RGMB: variants seen among roughly 807,000 people sequenced by gnomAD.
RGMB encodes repulsive guidance molecule BMP co-receptor b.
Under a neutral mutation model 26.9 loss-of-function variants are expected in RGMB, and 16 were observed. The observed-to-expected ratio is 0.60, with a 90% CI of 0.40 to 0.90. The LOEUF is 0.90. Ranked by LOEUF, RGMB falls within the 40% of genes least tolerant of loss-of-function variation. The pLI is 0.00. For synonymous variants in RGMB, 225 were observed against 229.3 expected (o/e 0.98, Z 0.17); for missense variants, 512 against 573.3 (o/e 0.89, Z 1.09).
chr5:98,794,380 T>C lies in RGMB; in HGVS notation c.*627T>C, dbSNP rs1307300177. The C allele has an allele frequency of 6.6e-6, 1 of 152,228 alleles. No homozygotes were observed. Among genetic ancestry groups the C allele is most frequent in the Non-Finnish European group, 1.5e-5 (1 of 68,058 alleles). The allele number at this position is 152,228 out of a possible 1,614,324, so 9.4% of individuals were successfully genotyped here. A position where few individuals can be genotyped will look rare whatever the true frequency, so the allele number is the denominator to read the frequency against. ...TTTTCAGAAGGGGGGGTATTATTGG[T>C]ATTCTGATTACTCTCAATTCTAATT... On this transcript the variant is annotated 3_prime_UTR_variant, in exon 3 of 3. Coordinates refer to ENST00000513185, the MANE Select transcript of RGMB (RefSeq NM_001366508.1).
chr5:98,775,413 A>T (rs1746369633), intron 1 of RGMB, among the ~76,000 whole-genome samples: 1 of 152,252 alleles, frequency 6.6e-6, no homozygotes, highest in African/African-American at 2.4e-5. Flanking sequence ...TAGGATGATT[A>T]CGGCTTTCAA....
intron 1 of RGMB, among the ~76,000 whole-genome samples, chr5:98,776,045 C>T (rs371942172): frequency 3.7e-4 from 56 of 152,332 alleles, no homozygotes; most frequent in African/African-American, 1.3e-3. Flanking sequence ...TATGGCTCCA[C>T]ATTTCACTTA....
At position 98,773,819 on chromosome 5, in the gene RGMB, C is replaced by G; in HGVS notation, c.-252C>G. On this transcript the variant is annotated 5_prime_UTR_variant, in exon 1 of 3. Transcript: ENST00000513185. ...ACGGTCTTTGTGTCTTCTCTTCCGC[C>G]CCTTTCCCTGCCTGCCGCCTCCGGC... is the stretch of plus-strand genomic sequence containing the variant. 1 of 464,230 alleles carries G rather than the reference C, an allele frequency of 2.2e-6. No individual in the cohort carries two copies. The highest frequency in any genetic ancestry group is 3.7e-6 in the Non-Finnish European group (1 of 269,126). The allele number at this position is 464,230 out of a possible 1,614,324, so 28.8% of individuals were successfully genotyped here. A position where few individuals can be genotyped will look rare whatever the true frequency, so the allele number is the denominator to read the frequency against.
rs563703035 is a variant in RGMB, at chr5:98,796,343, C to A, written c.*2590C>A. ...TTTGTTATGCTTGGAAGCTCCCCCC[C>A]CCCCAACAGTGTGTCGAGTCTTTGC... is the stretch of plus-strand genomic sequence containing the variant. On this transcript the variant is annotated 3_prime_UTR_variant, in exon 3 of 3. Transcript: ENST00000513185. 10 of 141,726 alleles carry A rather than the reference C, an allele frequency of 7.1e-5. No individual in the cohort carries two copies. Among genetic ancestry groups the A allele is most frequent in the South Asian group, 4.6e-4 (2 of 4,310 alleles). The allele number at this position is 141,726 out of a possible 1,614,324, so 8.8% of individuals were successfully genotyped here. A position where few individuals can be genotyped will look rare whatever the true frequency, so the allele number is the denominator to read the frequency against.
rs1360617700 is a variant in RGMB, at chr5:98,786,890, GTT to G, written c.646-6193_646-6192del. Among the ~76,000 whole-genome samples the G allele has an allele frequency of 2.6e-5, 4 of 152,290 alleles. No individual in the cohort carries two copies. The East Asian group carries it at 7.7e-4, about 29-fold the overall frequency. Reference sequence around the variant, plus strand: ...GGAGTTTTTTATGCCCCAGTTAACTGTTTACTTTAAGAGTTGGAGCCAAAAGA... The same window carrying G: ...GGAGTTTTTTATGCCCCAGTTAACTGTACTTTAAGAGTTGGAGCCAAAAGA... On this transcript the variant is annotated intron_variant, in intron 2 of 2. Transcript: ENST00000513185.
intron 2 of RGMB, among the ~76,000 whole-genome samples, chr5:98,792,561 C>T (rs920253587): frequency 1.3e-5 from 2 of 149,716 alleles, no homozygotes; most frequent in Non-Finnish European, 3.0e-5. Flanking sequence ...TAGTGAGGAA[C>T]CCCCGACCTC....
chr5:98,792,315 A>G (rs1746955777), intron 2 of RGMB, among the ~76,000 whole-genome samples: 1 of 152,202 alleles, frequency 6.6e-6, no homozygotes, highest in South Asian at 2.1e-4. Flanking sequence ...TGTTAGGTAT[A>G]TTGTTAATTA....
At position 98,793,619 on chromosome 5, in the gene RGMB, G is replaced by T. The variant is rs1315624588; in HGVS notation, c.1180G>T (p.Asp394Tyr). 3 of 1,613,892 alleles carry T rather than the reference G, an allele frequency of 1.9e-6. No homozygotes were observed. The African/African-American group carries it at 4.0e-5, about 22-fold the overall frequency. Residue 394 changes from aspartate (D) to tyrosine (Y), a missense_variant, in exon 3 of 3, where the codon GAT becomes TAT. Physicochemically the swap from Asp to Tyr is radical, Grantham distance 160. Coordinates refer to ENST00000513185, the MANE Select transcript of RGMB (RefSeq NM_001366508.1). ...FTAAAHSALE[D>Y]VEALHPRKER... ...TGCCGCAGCCCACAGTGCCTTGGAGGATGTGGAGGCCCTGCACCCAAGGAA... is the reference window on the plus strand; with the variant it reads ...TGCCGCAGCCCACAGTGCCTTGGAGTATGTGGAGGCCCTGCACCCAAGGAA...
chr5:98,792,773 A>T, intron 2 of RGMB: 1 of 126,272 alleles, frequency 7.9e-6, no homozygotes, highest in Admixed American at 7.3e-5. Context: ...CTGTCACTTA[A>T]AAAAAAAAAA....
chr5:98,770,703 G>T, upstream of RGMB: 1 of 1,352,902 alleles, frequency 7.4e-7, no homozygotes, highest in Non-Finnish European at 9.8e-7. Flanking sequence ...TTCTCAAGTC[G>T]CCCGCTTGGC....
chr5:98,782,618 A>G (rs942238026), intron 2 of RGMB, among the ~76,000 whole-genome samples: 2 of 152,212 alleles, frequency 1.3e-5, no homozygotes, highest in African/African-American at 4.8e-5. Context: ...CCACGTGCTC[A>G]GTGCCACTAG....
intron 2 of RGMB, among the ~76,000 whole-genome samples, chr5:98,784,894 G>T (rs377498699): frequency 1.6e-4 from 25 of 152,078 alleles, no homozygotes; most frequent in South Asian, 6.2e-4. Flanking sequence ...TGGTATTTGT[G>T]GGGGAAAAAT....
At chr5:98,786,280 C>T (rs1305368868) in intron 2 of RGMB, among the ~76,000 whole-genome samples, 1 of 152,190 alleles carries the variant, frequency 6.6e-6, no homozygotes, top group African/African-American at 2.4e-5. Context: ...CAGCGCCTGT[C>T]CCTGTGTGAG....
chr5:98,770,504 C>G (rs945666678), upstream of RGMB: 2 of 516,504 alleles, frequency 3.9e-6, no homozygotes, highest in African/African-American at 4.0e-5. Flanking sequence ...CCGTTGTCTA[C>G]GAGCGGGTGA....
chr5:98,773,906 G>A lies in RGMB; in HGVS notation c.-165G>A. 1.9e-6 allele frequency: 1 copy of A among 533,120 alleles called. No individual in the cohort carries two copies. Among genetic ancestry groups the A allele is most frequent in the Non-Finnish European group, 3.3e-6 (1 of 303,622 alleles). The allele number at this position is 533,120 out of a possible 1,614,324, so 33.0% of individuals were successfully genotyped here. On this transcript the variant is annotated 5_prime_UTR_variant, in exon 1 of 3. Transcript: ENST00000513185. Reference sequence around the variant, plus strand: ...GGACTGGCTGCGCCGGCTGCGCGCTGCTTGCTGCGGCGGTGGTGGCGCCCC... The same window carrying A: ...GGACTGGCTGCGCCGGCTGCGCGCTACTTGCTGCGGCGGTGGTGGCGCCCC...
At chr5:98,787,339 G>C (rs184235140) in intron 2 of RGMB, among the ~76,000 whole-genome samples, 167 of 152,236 alleles carry the variant, frequency 1.1e-3, no homozygotes, top group African/African-American at 3.6e-3. Flanking sequence ...TAATCCCATC[G>C]GTTTGGAGAA....
upstream of RGMB, chr5:98,770,746 T>C (rs1052599935): frequency 1.2e-6 from 1 of 859,776 alleles, no homozygotes; most frequent in Non-Finnish European, 1.7e-6. Context: ...TTATTTTCTC[T>C]CCTTTCCTTT....
upstream of RGMB, chr5:98,770,285 T>TG (rs1746110216): frequency 8.4e-6 from 2 of 237,472 alleles, no homozygotes; most frequent in African/African-American, 4.5e-5. Flanking sequence ...ATTAGCGAGC[T>TG]GGTAAAGCTT....
rs750590625 is a variant in RGMB at position 98,779,814 on chromosome 5, A to G, written c.371A>G (p.Asp124Gly). Residue 124 changes from aspartate (D) to glycine (G), a missense_variant, in exon 2 of 3, where the codon GAT (aspartate) becomes GGT (glycine). Asp to Gly is a moderately conservative substitution (Grantham distance 94). Transcript: ENST00000513185. ...ATGAGCCAGAGGAATTGTTCCAAGG[A>G]TGGACCCACATCCTCTACCAACCCC... ...DLMSQRNCSKDGPTSSTNPEV... is the reference protein window; with the variant it reads ...DLMSQRNCSKGGPTSSTNPEV... The G allele has an allele frequency of 1.2e-6, 2 of 1,614,028 alleles. No individual in the cohort carries two copies. Among genetic ancestry groups the G allele is most frequent in the Non-Finnish European group, 1.7e-6 (2 of 1,179,900 alleles).
Sources: allele counts gnomAD v4.1 joint callset (sites outside exome capture counted in the v4.1 genomes callset), GRCh38; gene constraint gnomAD v4.1.1; transcripts MANE v1.5; gene names NCBI Gene and HGNC (gene_info 2026-07-23, HGNC 2026-07-21).